Variants in AKIRIN2 observed in about 807,000 individuals in gnomAD.
AKIRIN2 encodes akirin 2.
A neutral mutation model predicts 29.3 loss-of-function variants in AKIRIN2; 6 were observed. The ratio of observed to expected loss-of-function variants is 0.20; its 90% CI spans 0.11 to 0.40. The LOEUF is 0.40. AKIRIN2 is among the 10% of genes least tolerant of loss of function. The probability of loss-of-function intolerance (pLI) is 1.00; values close to 1 mark genes in which losing one functional copy is unlikely to be tolerated. For synonymous variants in AKIRIN2, 128 were observed against 117.5 expected (o/e 1.09, Z -0.58); for missense variants, 210 against 276.1 (o/e 0.76, Z 1.70).
intron 1 of AKIRIN2, among the ~76,000 whole-genome samples, chr6:87,686,797 G>A (rs542411898): frequency 9.9e-5 from 15 of 152,112 alleles, no homozygotes; most frequent in Non-Finnish European, 1.6e-4. Flanking sequence ...TGTAATCCCA[G>A]CACTTTGGAA....
intron 2 of AKIRIN2, among the ~76,000 whole-genome samples, chr6:87,680,765 C>CAA (rs200652296): frequency 2.7e-4 from 12 of 44,512 alleles, no homozygotes; most frequent in Non-Finnish European, 4.8e-4. Flanking sequence ...TATTCCCCGC[C>CAA]CCCCCCCTTT....
chr6:87,695,775 C>T (rs1771350336), intron 1 of AKIRIN2, among the ~76,000 whole-genome samples: 2 of 152,144 alleles, frequency 1.3e-5, no homozygotes, highest in Non-Finnish European at 2.9e-5. Flanking sequence ...AATCTCTTTT[C>T]AAATAGGAAA....
At chr6:87,676,894 G>A (rs1771017230) in intron 3 of AKIRIN2, among the ~76,000 whole-genome samples, 1 of 151,620 alleles carries the variant, frequency 6.6e-6, no homozygotes, top group South Asian at 2.1e-4. Flanking sequence ...GGCTAACACG[G>A]TGAAACCCTG....
chr6:87,689,150 T>C (rs1771237293), intron 1 of AKIRIN2, among the ~76,000 whole-genome samples: 1 of 152,100 alleles, frequency 6.6e-6, no homozygotes, highest in Admixed American at 6.6e-5. Flanking sequence ...TACACCACGA[T>C]CAAGCTGAAG....
chr6:87,681,953 C>T (rs568692990), intron 1 of AKIRIN2, among the ~76,000 whole-genome samples, 190 bp from the exon 2 acceptor site: 16 of 152,320 alleles, frequency 1.1e-4, no homozygotes, highest in African/African-American at 3.8e-4. Context: ...TACACACCAA[C>T]TGGAATTCAG....
At chr6:87,701,282 G>A (rs1771459465) in intron 1 of AKIRIN2, among the ~76,000 whole-genome samples, 168 bp downstream of exon 1, 1 of 151,942 alleles carries the variant, frequency 6.6e-6, no homozygotes, top group African/African-American at 2.4e-5. Context: ...TGTCTTATTA[G>A]GTCCTCGGGC....
intron 1 of AKIRIN2, among the ~76,000 whole-genome samples, chr6:87,690,900 G>C (rs1040188644): frequency 1.6e-4 from 24 of 152,114 alleles, no homozygotes; most frequent in African/African-American, 5.8e-4. Flanking sequence ...TTGAATCCAG[G>C]AGATGGAGGT....
intron 2 of AKIRIN2, 67 bp downstream of exon 2, chr6:87,681,553 G>C: frequency 1.3e-6 from 2 of 1,487,282 alleles, no homozygotes; most frequent in Middle Eastern, 1.8e-4. Flanking sequence ...AATGACTAAA[G>C]ACAACTTGGA....
intron 1 of AKIRIN2, among the ~76,000 whole-genome samples, chr6:87,686,001 G>C (rs1371932602): frequency 6.6e-6 from 1 of 152,062 alleles, no homozygotes; most frequent in African/African-American, 2.4e-5. Context: ...GATCACTTGA[G>C]GTCAGGAGTT....
At chr6:87,688,799 T>C (rs866885176) in intron 1 of AKIRIN2, among the ~76,000 whole-genome samples, 1 of 152,170 alleles carries the variant, frequency 6.6e-6, no homozygotes. Flanking sequence ...GAAATTGAAC[T>C]GCCCCAAATC....
intron 3 of AKIRIN2, among the ~76,000 whole-genome samples, chr6:87,677,092 A>T (rs1324551407): frequency 6.6e-6 from 1 of 151,972 alleles, no homozygotes; most frequent in Non-Finnish European, 1.5e-5. Flanking sequence ...AAAAAAAAAA[A>T]AAAAATTAAA....
At chr6:87,700,195 T>C (rs1188315166) in intron 1 of AKIRIN2, among the ~76,000 whole-genome samples, 2 of 151,760 alleles carry the variant, frequency 1.3e-5, no homozygotes, top group Non-Finnish European at 2.9e-5. Flanking sequence ...AGACCAAATA[T>C]TTAATAGCAA....
intron 3 of AKIRIN2, among the ~76,000 whole-genome samples, chr6:87,677,131 T>C (rs1335606610): frequency 6.6e-6 from 1 of 151,820 alleles, no homozygotes; most frequent in South Asian, 2.1e-4. Context: ...AAAAGACCTT[T>C]CTACTCTGAA....
intron 1 of AKIRIN2, among the ~76,000 whole-genome samples, chr6:87,699,144 G>A (rs1214202069): frequency 6.6e-6 from 1 of 152,106 alleles, no homozygotes; most frequent in African/African-American, 2.4e-5. Context: ...CTCCCATAAA[G>A]TTTAAGAATA....
At chr6:87,700,143 G>GT (rs1390563891) in intron 1 of AKIRIN2, among the ~76,000 whole-genome samples, 1 of 151,048 alleles carries the variant, frequency 6.6e-6, no homozygotes, top group Non-Finnish European at 1.5e-5. Flanking sequence ...AAGAATTTCC[G>GT]TAAAAACTCA....
chr6:87,689,148 G>T (rs186182973), intron 1 of AKIRIN2, among the ~76,000 whole-genome samples: 1 of 152,116 alleles, frequency 6.6e-6, no homozygotes, highest in Non-Finnish European at 1.5e-5. Context: ...AGTACACCAC[G>T]ATCAAGCTGA....
chr6:87,677,433 A>C (rs1282511131), intron 3 of AKIRIN2, among the ~76,000 whole-genome samples: 1 of 152,188 alleles, frequency 6.6e-6, no homozygotes. Context: ...TTGATAACTA[A>C]AACAGGACTC....
At chr6:87,698,607 A>G (rs925456328) in intron 1 of AKIRIN2, among the ~76,000 whole-genome samples, 2 of 152,228 alleles carry the variant, frequency 1.3e-5, no homozygotes, top group Non-Finnish European at 2.9e-5. Context: ...AGTAACACTT[A>G]GGTGTCCTAA....
intron 1 of AKIRIN2, among the ~76,000 whole-genome samples, chr6:87,700,267 C>CA (rs10659226): frequency 0.49 from 69,642 of 141,868 alleles, 17,005 homozygotes; most frequent in Non-Finnish European, 0.54. Context: ...TTAAATGTGA[C>CA]AAAAAAAAAA....
Sources: allele counts gnomAD v4.1 joint callset (sites outside exome capture counted in the v4.1 genomes callset), GRCh38; gene constraint gnomAD v4.1.1; transcripts MANE v1.5; gene names NCBI Gene and HGNC (gene_info 2026-07-23, HGNC 2026-07-21).